SAMD4A: variants seen among roughly 807,000 people sequenced by gnomAD.
SAMD4A encodes protein Smaug homolog 1.
SAMD4A carries 33 observed loss-of-function variants against 81.3 expected under a neutral mutation model. That is an observed-to-expected ratio of 0.41 (90% CI 0.31 to 0.54). SAMD4A has a LOEUF of 0.54. Ranked by LOEUF, SAMD4A falls within the 20% of genes least tolerant of loss-of-function variation. The pLI is 0.37. For synonymous variants in SAMD4A, 389 were observed against 382.1 expected, an observed-to-expected ratio of 1.02 and a Z score of -0.21; for missense variants, 854 against 951.1, an observed-to-expected ratio of 0.90 and a Z score of 1.34.
chr14:54,790,926 A>G lies in SAMD4A; in HGVS notation c.*1982A>G, dbSNP rs1248396443. 2 of 152,146 alleles carry G rather than the reference A, an allele frequency of 1.3e-5. No homozygotes were observed. Among genetic ancestry groups the G allele is most frequent in the Admixed American group, 1.3e-4 (2 of 15,278 alleles). The allele number at this position is 152,146 out of a possible 1,614,324, so 9.4% of individuals were successfully genotyped here. A position where few individuals can be genotyped will look rare whatever the true frequency, so the allele number is the denominator to read the frequency against. Reference sequence around the variant, plus strand: ...CTAAGAAGGTGAGAACAATGTAACCATAGAAAGCCTTTCGTGAGCAGAGAA... The same window carrying G: ...CTAAGAAGGTGAGAACAATGTAACCGTAGAAAGCCTTTCGTGAGCAGAGAA... On this transcript the variant is annotated 3_prime_UTR_variant, in exon 13 of 13. Coordinates refer to ENST00000554335, the MANE Select transcript of SAMD4A (RefSeq NM_015589.6).
intron 2 of SAMD4A, among the ~76,000 whole-genome samples, chr14:54,689,326 T>G (rs982568551): frequency 6.6e-6 from 1 of 152,134 alleles, no homozygotes; most frequent in African/African-American, 2.4e-5. Context: ...CCTGTCCCCA[T>G]CCTGTAGGAG....
chr14:54,610,792 T>G (rs2034332100), intron 2 of SAMD4A, among the ~76,000 whole-genome samples: 1 of 152,238 alleles, frequency 6.6e-6, no homozygotes, highest in Non-Finnish European at 1.5e-5. Context: ...CAGTGCATTT[T>G]TTAGGGGTGA....
chr14:54,627,603 G>A (rs907455525), intron 2 of SAMD4A, among the ~76,000 whole-genome samples: 4 of 152,214 alleles, frequency 2.6e-5, no homozygotes, highest in South Asian at 2.1e-4. Flanking sequence ...TTTTGTCAGC[G>A]GCTGTTACTG....
At chr14:54,635,356 C>A (rs1475297788) in intron 2 of SAMD4A, among the ~76,000 whole-genome samples, 1 of 151,482 alleles carries the variant, frequency 6.6e-6, no homozygotes, top group African/African-American at 2.4e-5. Flanking sequence ...ACCCAGGAGG[C>A]GGAGGTTGCA....
chr14:54,672,545 C>A (rs1409055381), intron 2 of SAMD4A, among the ~76,000 whole-genome samples: 1 of 152,062 alleles, frequency 6.6e-6, no homozygotes, highest in East Asian at 1.9e-4. Flanking sequence ...GATTTGTTTT[C>A]CAAATTAAAA....
Position 54,603,755 on chromosome 14 carries a change from T to C in SAMD4A, c.196+35643T>C, listed in dbSNP as rs1392415701. ...TCAGCATCCTAGAAGGCCTTTTCTT[T>C]AAAAAAAAAAAAAAGAACTTTTGTA... On this transcript the variant is annotated intron_variant, in intron 2 of 12. Coordinates refer to ENST00000554335, the MANE Select transcript of SAMD4A (RefSeq NM_015589.6). 9.6e-5 allele frequency among the ~76,000 whole-genome samples: 14 copies of C among 145,278 alleles called. No homozygotes were observed. In the South Asian group the frequency reaches 3.1e-3, roughly 32 times the overall value.
intron 2 of SAMD4A, among the ~76,000 whole-genome samples, chr14:54,632,552 G>A (rs148477534): frequency 1.3e-5 from 2 of 152,198 alleles, no homozygotes; most frequent in African/African-American, 4.8e-5. Flanking sequence ...AACAGGTTAA[G>A]CTCTACCCAT....
intron 2 of SAMD4A, among the ~76,000 whole-genome samples, chr14:54,675,955 G>A (rs879458513): frequency 6.6e-6 from 1 of 152,134 alleles, no homozygotes; most frequent in Non-Finnish European, 1.5e-5. Flanking sequence ...AATATAGAAG[G>A]CTAAAAAAGA....
intron 2 of SAMD4A, among the ~76,000 whole-genome samples, chr14:54,665,032 A>G (rs1594785698): frequency 6.6e-6 from 1 of 152,104 alleles, no homozygotes; most frequent in African/African-American, 2.4e-5. Context: ...ACATTTTGCA[A>G]AGACCTTCCT....
At chr14:54,575,693 A>G (rs186165890) in intron 2 of SAMD4A, among the ~76,000 whole-genome samples, 97 of 152,324 alleles carry the variant, frequency 6.4e-4, no homozygotes, top group Non-Finnish European at 7.8e-4. Context: ...GGTGTGTTTC[A>G]TATGATGGAA....
At chr14:54,622,959 A>C (rs1269910000) in intron 2 of SAMD4A, among the ~76,000 whole-genome samples, 1 of 152,200 alleles carries the variant, frequency 6.6e-6, no homozygotes, top group African/African-American at 2.4e-5. Flanking sequence ...GATCGGTCTG[A>C]ATGTCACCTG....
At chr14:54,710,506 C>T (rs1166166968) in intron 3 of SAMD4A, among the ~76,000 whole-genome samples, 2 of 152,144 alleles carry the variant, frequency 1.3e-5, no homozygotes, top group Admixed American at 1.3e-4. Flanking sequence ...GGATGTGAAC[C>T]TAGGCAGTGA....
intron 11 of SAMD4A, among the ~76,000 whole-genome samples, chr14:54,778,490 GTGAC>G (rs1332459361): frequency 6.6e-6 from 1 of 152,154 alleles, no homozygotes; most frequent in East Asian, 1.9e-4. Flanking sequence ...TGAGCAAAAA[GTGAC>G]TGTCTCTCTC....
At chr14:54,643,453 G>C (rs1027566120) in intron 2 of SAMD4A, among the ~76,000 whole-genome samples, 3 of 152,222 alleles carry the variant, frequency 2.0e-5, no homozygotes, top group Non-Finnish European at 1.5e-5. Flanking sequence ...GCAAATGTCA[G>C]TCCTTTTATG....
At chr14:54,579,598 T>C (rs2033407053) in intron 2 of SAMD4A, among the ~76,000 whole-genome samples, 1 of 152,246 alleles carries the variant, frequency 6.6e-6, no homozygotes, top group Non-Finnish European at 1.5e-5. Flanking sequence ...AATATTCCTC[T>C]TACTTATGAC....
At chr14:54,679,742 C>A (rs1169839578) in intron 2 of SAMD4A, among the ~76,000 whole-genome samples, 1 of 152,170 alleles carries the variant, frequency 6.6e-6, no homozygotes, top group Non-Finnish European at 1.5e-5. Context: ...GAGCTAGAAC[C>A]AAGTGCTGTG....
chr14:54,786,285 T>C (rs1477842685), intron 12 of SAMD4A, among the ~76,000 whole-genome samples: 1 of 152,156 alleles, frequency 6.6e-6, no homozygotes, highest in Non-Finnish European at 1.5e-5. Flanking sequence ...ATGTCCAGGA[T>C]AGACTAATCT....
chr14:54,790,116 T>A lies in SAMD4A; in HGVS notation c.*1172T>A, dbSNP rs1183283199. On this transcript the variant is annotated 3_prime_UTR_variant, in exon 13 of 13. Transcript: ENST00000554335. ...GAGGTTTGATACCCAGAAAATGAGC[T>A]CAAAACCTTTACATTAGGGTTGCTT... 1 of 152,066 alleles carries A rather than the reference T, an allele frequency of 6.6e-6. No homozygotes were observed. The highest frequency in any genetic ancestry group is 6.5e-5 in the Admixed American group (1 of 15,268). The allele number at this position is 152,066 out of a possible 1,614,324, so 9.4% of individuals were successfully genotyped here. A position where few individuals can be genotyped will look rare whatever the true frequency, so the allele number is the denominator to read the frequency against.
chr14:54,768,677 C>A (rs1051768008), intron 8 of SAMD4A, among the ~76,000 whole-genome samples: 1 of 152,244 alleles, frequency 6.6e-6, no homozygotes, highest in Non-Finnish European at 1.5e-5. Context: ...GCTGGACATG[C>A]AGGGAGCATC....
Sources: gnomAD v4.1 joint callset for allele counts (sites outside exome capture counted in the v4.1 genomes callset) on GRCh38, gnomAD v4.1.1 for gene constraint, MANE v1.5 for transcripts, NCBI Gene and HGNC (gene_info 2026-07-23, HGNC 2026-07-21) for gene names.